Variants in MDGA2 observed in about 807,000 individuals in gnomAD.
MDGA2 encodes the protein MAM domain containing glycosylphosphatidylinositol anchor 2, also known as MAM domain-containing glycosylphosphatidylinositol anchor protein 2.
MDGA2 carries 40 observed loss-of-function variants against 117.8 expected under a neutral mutation model. The ratio of observed to expected loss-of-function variants is 0.34; its 90% CI spans 0.26 to 0.44. The LOEUF is 0.44. Among genes scored for constraint, MDGA2 ranks in the 20% least tolerant of loss-of-function variants. The pLI, the probability that MDGA2 is intolerant of heterozygous loss-of-function variation, is 1.00. For missense variants in MDGA2, 1,123 were observed against 1,250.6 expected (o/e 0.90, Z 1.54); for synonymous variants, 452 against 439.0 (o/e 1.03, Z -0.37).
chr14:47,523,555 C>T (rs1276392784), intron 1 of MDGA2, among the ~76,000 whole-genome samples: 1 of 152,080 alleles, frequency 6.6e-6, no homozygotes, highest in African/African-American at 2.4e-5. Context: ...ATGGAATCTT[C>T]AGGTTGTCTC....
chr14:47,079,751 A>G (rs1890635603), intron 6 of MDGA2, among the ~76,000 whole-genome samples: 1 of 5,060 alleles, frequency 2.0e-4, no homozygotes, highest in South Asian at 5.2e-3. Flanking sequence ...TTTTTTTTTG[A>G]GACAGAGTCT....
chr14:47,346,537 G>C (rs1339007573), intron 1 of MDGA2, among the ~76,000 whole-genome samples: 1 of 152,120 alleles, frequency 6.6e-6, no homozygotes, highest in Non-Finnish European at 1.5e-5. Context: ...CAAACTTTCT[G>C]TTTTGGTTCT....
At chr14:47,480,377 T>A (rs918286611) in intron 1 of MDGA2, among the ~76,000 whole-genome samples, 6 of 151,988 alleles carry the variant, frequency 3.9e-5, no homozygotes, top group African/African-American at 1.4e-4. Flanking sequence ...CTTCTAAGCC[T>A]AAGCAGCAAT....
chr14:47,413,225 A>G (rs1186780477), intron 1 of MDGA2, among the ~76,000 whole-genome samples: 3 of 152,238 alleles, frequency 2.0e-5, no homozygotes, highest in Non-Finnish European at 4.4e-5. Flanking sequence ...AACATTAGAC[A>G]TCAAGGAAAG....
At position 46,938,540 on chromosome 14, in the gene MDGA2, C is replaced by CAAAAAAAAAAAAAA. The variant is rs71112472; in HGVS notation, c.2090-18394_2090-18381dup. ...GGGCAACAAGAACGAAAATCCATCT[C>CAAAAAAAAAAAAAA]AAAAAAAAAAAAAAAAAAAAGAGAC... On this transcript the variant is annotated intron_variant, in intron 9 of 16. Coordinates refer to ENST00000399232, the MANE Select transcript of MDGA2 (RefSeq NM_001113498.3). Among the ~76,000 whole-genome samples, 23 of 26,996 alleles carry CAAAAAAAAAAAAAA rather than the reference C, an allele frequency of 8.5e-4. 3 individuals are homozygous for CAAAAAAAAAAAAAA. The highest frequency in any genetic ancestry group is 1.1e-3 in the Admixed American group (2 of 1,802). The allele number at this position is 26,996 out of a possible 152,430, so 17.7% of individuals were successfully genotyped here. A position where few individuals can be genotyped will look rare whatever the true frequency, so the allele number is the denominator to read the frequency against.
intron 2 of MDGA2, among the ~76,000 whole-genome samples, chr14:47,269,172 TACGTAGTAGG>T (rs1031685486): frequency 2.6e-5 from 4 of 152,172 alleles, no homozygotes; most frequent in Non-Finnish European, 2.9e-5. Flanking sequence ...CCTAGTACTA[TACGTAGTAGG>T]ACTTCATGGG....
At chr14:47,240,081 G>A (rs1372953226) in intron 2 of MDGA2, among the ~76,000 whole-genome samples, 2 of 151,634 alleles carry the variant, frequency 1.3e-5, no homozygotes, top group Non-Finnish European at 3.0e-5. Flanking sequence ...GTCTTGCTCT[G>A]TTGCCCAGGC....
At chr14:47,566,141 C>G (rs927205309) in intron 1 of MDGA2, among the ~76,000 whole-genome samples, 27 of 152,160 alleles carry the variant, frequency 1.8e-4, no homozygotes, top group African/African-American at 2.4e-4. Flanking sequence ...TGAGTGTGTG[C>G]CAGTGAAGTA....
At chr14:47,170,632 A>G (rs1253367549) in intron 3 of MDGA2, among the ~76,000 whole-genome samples, 1 of 152,210 alleles carries the variant, frequency 6.6e-6, no homozygotes, top group East Asian at 1.9e-4. Flanking sequence ...AGGGGGAAAC[A>G]GCTCTATATA....
At chr14:47,259,862 T>C (rs11849636) in intron 2 of MDGA2, among the ~76,000 whole-genome samples, 1 of 151,852 alleles carries the variant, frequency 6.6e-6, no homozygotes, top group Non-Finnish European at 1.5e-5. Context: ...TGAAGAAATA[T>C]GGGGGAAGGG....
intron 11 of MDGA2, among the ~76,000 whole-genome samples, chr14:46,881,817 T>C (rs1001325587): frequency 6.6e-6 from 1 of 152,056 alleles, no homozygotes; most frequent in African/African-American, 2.4e-5. Flanking sequence ...ATCACATAGG[T>C]TCACAATTAA....
chr14:47,506,386 C>G (rs1894512485), intron 1 of MDGA2, among the ~76,000 whole-genome samples: 1 of 152,216 alleles, frequency 6.6e-6, no homozygotes, highest in Non-Finnish European at 1.5e-5. Context: ...GATATGGCCA[C>G]ATGAACGACT....
intron 4 of MDGA2, among the ~76,000 whole-genome samples, chr14:47,139,899 T>C (rs921829811): frequency 2.0e-5 from 3 of 148,338 alleles, no homozygotes; most frequent in Admixed American, 6.8e-5. Flanking sequence ...TATATATATA[T>C]ATACACATAT....
intron 3 of MDGA2, among the ~76,000 whole-genome samples, chr14:47,205,080 T>C (rs926305601): frequency 3.9e-5 from 6 of 151,908 alleles, no homozygotes; most frequent in Non-Finnish European, 7.4e-5. Flanking sequence ...CATACATATA[T>C]AGTTCGTTTC....
chr14:47,033,926 C>A (rs937545740), intron 8 of MDGA2, among the ~76,000 whole-genome samples: 2 of 152,140 alleles, frequency 1.3e-5, no homozygotes, highest in African/African-American at 4.8e-5. Context: ...ATTCTGCCAA[C>A]AACTTTAAGT....
intron 3 of MDGA2, among the ~76,000 whole-genome samples, chr14:47,173,024 C>T (rs11625528): frequency 0.095 from 14,437 of 151,890 alleles, 777 homozygotes; most frequent in Admixed American, 0.17. Context: ...GGAGCCGATG[C>T]GATCAACTGG....
At chr14:46,900,477 A>G (rs1447135448) in intron 10 of MDGA2, among the ~76,000 whole-genome samples, 2 of 152,328 alleles carry the variant, frequency 1.3e-5, no homozygotes, top group East Asian at 3.9e-4. Context: ...TAAAGAAAGA[A>G]TTATTAAACA....
chr14:47,098,516 A>G (rs1880115442), intron 5 of MDGA2, among the ~76,000 whole-genome samples: 1 of 151,734 alleles, frequency 6.6e-6, no homozygotes, highest in African/African-American at 2.4e-5. Context: ...AGTATGCAAA[A>G]GTTGCCATAT....
chr14:47,520,744 T>C (rs1029896334), intron 1 of MDGA2, among the ~76,000 whole-genome samples: 1 of 152,166 alleles, frequency 6.6e-6, no homozygotes, highest in Non-Finnish European at 1.5e-5. Flanking sequence ...ATGTACACTT[T>C]AGAACACTGA....
Sources: allele counts gnomAD v4.1 joint callset (sites outside exome capture counted in the v4.1 genomes callset), GRCh38; gene constraint gnomAD v4.1.1; transcripts MANE v1.5; gene names NCBI Gene and HGNC (gene_info 2026-07-23, HGNC 2026-07-21).